The following NRF1 variants were observed in gnomAD, a reference collection of about 807,000 sequenced individuals.
NRF1 encodes nuclear respiratory factor 1, also known as alpha palindromic-binding protein.
In NRF1, 5 loss-of-function variants were observed where a neutral mutation model predicts 58.5. The observed-to-expected ratio is 0.09, with a 90% CI of 0.04 to 0.18. The LOEUF (loss-of-function observed/expected upper bound fraction) is 0.18. Among genes scored for constraint, NRF1 ranks in the 10% least tolerant of loss-of-function variants. The pLI, the probability that NRF1 is intolerant of heterozygous loss-of-function variation, is 1.00. For missense variants in NRF1, 288 were observed against 657.7 expected (o/e 0.44, Z 6.15); for synonymous variants, 224 against 246.7 (o/e 0.91, Z 0.86).
At chr7:129,691,313 C>A (rs950680752) in intron 5 of NRF1, among the ~76,000 whole-genome samples, 8 of 151,298 alleles carry the variant, frequency 5.3e-5, no homozygotes, top group African/African-American at 1.9e-4. Flanking sequence ...CAAAATCAAA[C>A]ACCTTTTTAA....
intron 3 of NRF1, among the ~76,000 whole-genome samples, chr7:129,673,693 G>A (rs1160809663): frequency 1.3e-4 from 18 of 143,496 alleles, no homozygotes; most frequent in Non-Finnish European, 2.4e-4. Context: ...CTCCCGCCTG[G>A]GCGACAGAGC....
intron 10 of NRF1, among the ~76,000 whole-genome samples, chr7:129,742,883 C>T (rs1050221578): frequency 1.3e-5 from 2 of 152,186 alleles, no homozygotes; most frequent in African/African-American, 4.8e-5. Context: ...ACATTTCAAG[C>T]ACTCTGTAGC....
chr7:129,646,917 T>C (rs575807145), intron 1 of NRF1, among the ~76,000 whole-genome samples: 2 of 152,284 alleles, frequency 1.3e-5, no homozygotes, highest in South Asian at 4.2e-4. Context: ...GGTGTAGCTT[T>C]AGTTATTAAA....
At chr7:129,627,487 A>G (rs950140017) in intron 1 of NRF1, among the ~76,000 whole-genome samples, 1 of 152,246 alleles carries the variant, frequency 6.6e-6, no homozygotes, top group East Asian at 1.9e-4. Context: ...GATTACAGGC[A>G]TGAACCACCT....
At chr7:129,666,450 T>G (rs1381978559) in intron 2 of NRF1, among the ~76,000 whole-genome samples, 1 of 152,256 alleles carries the variant, frequency 6.6e-6, no homozygotes, top group African/African-American at 2.4e-5. Flanking sequence ...TCGTTCAACA[T>G]TTTTCTGAGA....
chr7:129,721,673 G>A (rs1168252752), intron 9 of NRF1, among the ~76,000 whole-genome samples: 2 of 151,850 alleles, frequency 1.3e-5, no homozygotes, highest in Non-Finnish European at 2.9e-5. Flanking sequence ...AGTAGAGAGG[G>A]GGTTTCACTG....
In NRF1 at chr7:129,719,554, C is replaced by T. The variant is rs544500154; in HGVS notation, c.1223+2178C>T. On this transcript the variant is annotated intron_variant, in intron 9 of 10. Coordinates refer to ENST00000393232, the MANE Select transcript of NRF1 (RefSeq NM_005011.5). ...CACACACACACACACAACACATCTTCTCAGAGTTACCTAGTTAGTCCCTAG... is the reference window on the plus strand; with the variant it reads ...CACACACACACACACAACACATCTTTTCAGAGTTACCTAGTTAGTCCCTAG... 3.2e-5 allele frequency among the ~76,000 whole-genome samples: 4 copies of T among 125,298 alleles called. No individual in the cohort carries two copies. In the East Asian group the frequency reaches 8.4e-4, roughly 26 times the overall value. The allele number at this position is 125,298 out of a possible 152,430, so 82.2% of individuals were successfully genotyped here. A position where few individuals can be genotyped will look rare whatever the true frequency, so the allele number is the denominator to read the frequency against.
At chr7:129,669,634 G>A (rs762448650) in intron 2 of NRF1, among the ~76,000 whole-genome samples, 3 of 152,146 alleles carry the variant, frequency 2.0e-5, no homozygotes, top group Admixed American at 6.5e-5. Flanking sequence ...TCTCTGTAAG[G>A]AAGACTTAGA....
intron 4 of NRF1, 122 bp from the exon 5 acceptor site, chr7:129,690,284 G>C (rs1430182657): frequency 2.1e-5 from 18 of 861,676 alleles, no homozygotes; most frequent in Non-Finnish European, 3.3e-5. Flanking sequence ...TTGTAGAAGT[G>C]TTTGTTTTTA....
In NRF1 at chr7:129,711,460, C is replaced by T. The variant is rs1223457602; in HGVS notation, c.964-15C>T. The T allele has an allele frequency of 1.3e-6, 2 of 1,597,784 alleles. No individual in the cohort carries two copies. The highest frequency in any genetic ancestry group is 1.7e-6 in the Non-Finnish European group (2 of 1,169,080). On this transcript the variant is annotated splice_polypyrimidine_tract_variant and intron_variant, in intron 7 of 10. Coordinates refer to ENST00000393232, the MANE Select transcript of NRF1 (RefSeq NM_005011.5). ...CATCCACTGACACTTAACCACTTTCCATATTTTTCTTTAGGTTGGTACGGG... is the reference window on the plus strand; with the variant it reads ...CATCCACTGACACTTAACCACTTTCTATATTTTTCTTTAGGTTGGTACGGG...
chr7:129,630,016 C>G (rs990064416), intron 1 of NRF1: 2 of 152,228 alleles, frequency 1.3e-5, no homozygotes, highest in Non-Finnish European at 2.9e-5. Context: ...CCATGGTTTA[C>G]TTTGAGAACT....
intron 1 of NRF1, chr7:129,629,923 A>G (rs1801011507): frequency 2.0e-5 from 3 of 152,188 alleles, no homozygotes; most frequent in Admixed American, 6.5e-5. Flanking sequence ...ATGCATTGAG[A>G]AAAGGCAAAT....
At chr7:129,666,347 G>A (rs1188583790) in intron 2 of NRF1, among the ~76,000 whole-genome samples, 1 of 152,020 alleles carries the variant, frequency 6.6e-6, no homozygotes, top group Non-Finnish European at 1.5e-5. Flanking sequence ...TTATGTGTCT[G>A]TATGATTAAA....
chr7:129,699,335 G>C (rs1438357872), intron 5 of NRF1, among the ~76,000 whole-genome samples: 1 of 152,166 alleles, frequency 6.6e-6, no homozygotes, highest in Non-Finnish European at 1.5e-5. Context: ...TCTACCCAAA[G>C]AGTAGAAAAC....
intron 10 of NRF1, among the ~76,000 whole-genome samples, chr7:129,730,703 C>T (rs548165236): frequency 6.5e-4 from 99 of 152,124 alleles, no homozygotes; most frequent in African/African-American, 2.3e-3. Context: ...AGGCCAGGCA[C>T]AGTAGCTCAT....
At chr7:129,685,788 A>T (rs983439558) in intron 4 of NRF1, among the ~76,000 whole-genome samples, 1 of 152,028 alleles carries the variant, frequency 6.6e-6, no homozygotes, top group African/African-American at 2.4e-5. Context: ...TGGGAATTGA[A>T]TTGGGCCTAG....
At chr7:129,699,893 A>G (rs1432841720) in intron 5 of NRF1, among the ~76,000 whole-genome samples, 2 of 151,518 alleles carry the variant, frequency 1.3e-5, no homozygotes, top group African/African-American at 4.9e-5. Flanking sequence ...TAATCCCAGC[A>G]CTTTGGGAGG....
intron 3 of NRF1, among the ~76,000 whole-genome samples, chr7:129,674,849 G>A (rs541249220): frequency 1.3e-5 from 2 of 152,240 alleles, no homozygotes; most frequent in African/African-American, 4.8e-5. Flanking sequence ...GACTGATCAG[G>A]GTGGTTGTTG....
intron 10 of NRF1, among the ~76,000 whole-genome samples, chr7:129,732,448 A>G: frequency 6.6e-6 from 1 of 152,078 alleles, no homozygotes; most frequent in South Asian, 2.1e-4. Flanking sequence ...TTTCACACCA[A>G]CCTAATAAGC....
Sources: allele counts gnomAD v4.1 joint callset (sites outside exome capture counted in the v4.1 genomes callset), GRCh38; gene constraint gnomAD v4.1.1; transcripts MANE v1.5; gene names NCBI Gene and HGNC (gene_info 2026-07-23, HGNC 2026-07-21).